Variants in BLOC1S5 observed in about 807,000 individuals in gnomAD.
BLOC1S5 encodes the protein biogenesis of lysosomal organelles complex 1 subunit 5.
A neutral mutation model predicts 24.3 loss-of-function variants in BLOC1S5; 27 were observed. That is an observed-to-expected ratio of 1.11 (90% CI 0.82 to 1.53). The LOEUF (loss-of-function observed/expected upper bound fraction) is 1.53, where lower values mean the gene tolerates loss of function less well. Ranked by LOEUF, BLOC1S5 falls within the 40% of genes most tolerant of loss-of-function variation. The pLI is 0.00. For synonymous variants in BLOC1S5, 84 were observed against 74.5 expected (o/e 1.13, Z -0.66); for missense variants, 239 against 229.4 (o/e 1.04, Z -0.27).
intron 3 of BLOC1S5, among the ~76,000 whole-genome samples, chr6:8,031,886 C>T (rs548446597): frequency 6.6e-6 from 1 of 152,286 alleles, no homozygotes; most frequent in South Asian, 2.1e-4. Flanking sequence ...CCCTATTCAA[C>T]CAATGTTGCT....
chr6:8,016,940 T>C (rs1282123185), intron 4 of BLOC1S5, among the ~76,000 whole-genome samples: 4 of 144,954 alleles, frequency 2.8e-5, no homozygotes, highest in Non-Finnish European at 6.1e-5. Context: ...CAAATCAACA[T>C]CTCAAACATC....
At chr6:8,023,849 T>C (rs1763013284) in intron 4 of BLOC1S5, among the ~76,000 whole-genome samples, 1 of 152,124 alleles carries the variant, frequency 6.6e-6, no homozygotes, top group African/African-American at 2.4e-5. Context: ...CATGTGTATA[T>C]GTGCACATGT....
intron 2 of BLOC1S5, among the ~76,000 whole-genome samples, chr6:8,057,961 T>C (rs1326042990): frequency 6.6e-6 from 1 of 152,208 alleles, no homozygotes; most frequent in Non-Finnish European, 1.5e-5. Flanking sequence ...CTTTCGTGCT[T>C]ATAACAATTA....
chr6:8,030,814 G>A (rs1050386790), intron 3 of BLOC1S5, among the ~76,000 whole-genome samples: 1 of 143,902 alleles, frequency 6.9e-6, no homozygotes, highest in African/African-American at 2.6e-5. Flanking sequence ...AGAGGTTGCA[G>A]TGAGCCAAGA....
intron 2 of BLOC1S5, among the ~76,000 whole-genome samples, chr6:8,047,486 A>T (rs1763946587): frequency 6.6e-6 from 1 of 152,094 alleles, no homozygotes; most frequent in African/African-American, 2.4e-5. Flanking sequence ...CATTCCCTCA[A>T]ATGTCCTATA....
At chr6:8,048,779 G>C (rs13195632) in intron 2 of BLOC1S5, among the ~76,000 whole-genome samples, 2 of 152,118 alleles carry the variant, frequency 1.3e-5, no homozygotes, top group Non-Finnish European at 2.9e-5. Flanking sequence ...TTGGGAGGCT[G>C]AGGTGGGCGG....
chr6:8,048,099 G>A (rs1763967932), intron 2 of BLOC1S5, among the ~76,000 whole-genome samples: 1 of 152,198 alleles, frequency 6.6e-6, no homozygotes, highest in African/African-American at 2.4e-5. Context: ...TCAATCCATT[G>A]CAGTATTTCT....
intron 1 of BLOC1S5, among the ~76,000 whole-genome samples, chr6:8,063,246 G>A (rs996735557): frequency 6.6e-6 from 1 of 152,172 alleles, no homozygotes; most frequent in African/African-American, 2.4e-5. Context: ...AGTGCAATTA[G>A]AGCAAGACAC....
At chr6:8,018,196 C>T (rs1762807236) in intron 4 of BLOC1S5, 1 of 152,178 alleles carries the variant, frequency 6.6e-6, no homozygotes, top group Admixed American at 6.5e-5. Flanking sequence ...TACTTTTTAA[C>T]TTTTCAGCCT....
chr6:8,048,488 A>G (rs1316064191), intron 2 of BLOC1S5, among the ~76,000 whole-genome samples: 24 of 151,620 alleles, frequency 1.6e-4, no homozygotes. Flanking sequence ...AACTTAAATT[A>G]AAGACCACAG....
chr6:8,034,203 A>G (rs898858303), intron 3 of BLOC1S5, among the ~76,000 whole-genome samples: 1 of 152,234 alleles, frequency 6.6e-6, no homozygotes, highest in Non-Finnish European at 1.5e-5. Context: ...AGCACTATTC[A>G]CAATAGCAAA....
chr6:8,029,998 C>G (rs1284633146), intron 3 of BLOC1S5, among the ~76,000 whole-genome samples: 1 of 152,108 alleles, frequency 6.6e-6, no homozygotes, highest in Non-Finnish European at 1.5e-5. Context: ...GAATGAAGAC[C>G]TCCCTAAACA....
At chr6:8,062,476 TATA>T (rs1432334307) in intron 2 of BLOC1S5, 55 bp downstream of exon 2, 1 of 1,069,232 alleles carries the variant, frequency 9.4e-7, no homozygotes. Context: ...TTCTCTTCTG[TATA>T]ATAACACACT....
chr6:8,034,331 G>T (rs892637529), intron 3 of BLOC1S5, among the ~76,000 whole-genome samples: 10 of 152,124 alleles, frequency 6.6e-5, no homozygotes, highest in Admixed American at 5.2e-4. Context: ...CCTTTGCAGG[G>T]GCATGGATGA....
At chr6:8,049,410 T>A (rs1362181993) in intron 2 of BLOC1S5, among the ~76,000 whole-genome samples, 7 of 151,974 alleles carry the variant, frequency 4.6e-5, no homozygotes, top group Non-Finnish European at 8.8e-5. Flanking sequence ...GTGGAACAAT[T>A]TCTCTCTGAG....
chr6:8,063,100 T>G (rs928652130), intron 1 of BLOC1S5, among the ~76,000 whole-genome samples: 3 of 152,042 alleles, frequency 2.0e-5, no homozygotes, highest in African/African-American at 7.2e-5. Context: ...TTAAAGCAAT[T>G]TACATAAAAC....
At chr6:8,016,039 A>T (rs1017360956) in intron 4 of BLOC1S5, among the ~76,000 whole-genome samples, 5 of 152,154 alleles carry the variant, frequency 3.3e-5, no homozygotes, top group Admixed American at 1.3e-4. Flanking sequence ...TAAATTTTAA[A>T]AGTGGGCTGG....
chr6:8,033,941 A>G (rs1405041938), intron 3 of BLOC1S5, among the ~76,000 whole-genome samples: 1 of 152,214 alleles, frequency 6.6e-6, no homozygotes, highest in Non-Finnish European at 1.5e-5. Context: ...GCCATCTCAC[A>G]CCAGTTAGAA....
At chr6:8,021,737 A>G (rs1762922812) in intron 4 of BLOC1S5, among the ~76,000 whole-genome samples, 1 of 152,234 alleles carries the variant, frequency 6.6e-6, no homozygotes, top group South Asian at 2.1e-4. Flanking sequence ...ATGTTATATT[A>G]TATGAATTTT....
Sources: allele counts gnomAD v4.1 joint callset (sites outside exome capture counted in the v4.1 genomes callset), GRCh38; gene constraint gnomAD v4.1.1; transcripts MANE v1.5; gene names NCBI Gene and HGNC (gene_info 2026-07-23, HGNC 2026-07-21).